Variants in HS3ST4 observed in about 807,000 individuals in gnomAD.
The protein encoded by HS3ST4 is heparan sulfate glucosamine 3-O-sulfotransferase 4.
In HS3ST4, 17 loss-of-function variants were observed where a neutral mutation model predicts 29.2. The ratio of observed to expected loss-of-function variants is 0.58; its 90% CI spans 0.40 to 0.87. The LOEUF (loss-of-function observed/expected upper bound fraction) is 0.87. HS3ST4 is among the 40% of genes least tolerant of loss of function. The pLI is 0.00. For missense variants in HS3ST4, 627 were observed against 634.5 expected (o/e 0.99, Z 0.13); for synonymous variants, 314 against 285.7 (o/e 1.10, Z -1.00).
chr16:25,770,394 C>T (rs1260704965), intron 1 of HS3ST4, among the ~76,000 whole-genome samples: 1 of 152,154 alleles, frequency 6.6e-6, no homozygotes, highest in Non-Finnish European at 1.5e-5. Flanking sequence ...ATTTCATTTT[C>T]ACAACCACCT....
chr16:25,921,646 T>G (rs1199682925), intron 1 of HS3ST4, among the ~76,000 whole-genome samples: 2 of 152,188 alleles, frequency 1.3e-5, no homozygotes, highest in African/African-American at 4.8e-5. Flanking sequence ...GCAGGAAAAC[T>G]TTTTGGTGCC....
chr16:25,693,656 AACAGTT>A (rs1596545581), intron 1 of HS3ST4, among the ~76,000 whole-genome samples: 1 of 152,186 alleles, frequency 6.6e-6, no homozygotes, highest in African/African-American at 2.4e-5. Flanking sequence ...ATGAATAGGG[AACAGTT>A]ACAAAGATCA....
intron 1 of HS3ST4, among the ~76,000 whole-genome samples, chr16:25,745,523 A>G (rs1399146164): frequency 6.6e-6 from 1 of 152,148 alleles, no homozygotes; most frequent in African/African-American, 2.4e-5. Context: ...AAACCTGGTA[A>G]ATATTTTATT....
intron 1 of HS3ST4, among the ~76,000 whole-genome samples, chr16:25,828,544 T>C (rs532759618): frequency 2.6e-5 from 4 of 152,004 alleles, no homozygotes; most frequent in African/African-American, 9.6e-5. Context: ...TTTCATCTTG[T>C]TGGCCAGGCC....
intron 1 of HS3ST4, among the ~76,000 whole-genome samples, chr16:25,750,299 T>A (rs1441876383): frequency 6.6e-6 from 1 of 152,152 alleles, no homozygotes; most frequent in Non-Finnish European, 1.5e-5. Context: ...AATGTTCTAG[T>A]GACAAAGTTA....
chr16:25,784,665 A>T (rs1966855787), intron 1 of HS3ST4, among the ~76,000 whole-genome samples: 1 of 152,206 alleles, frequency 6.6e-6, no homozygotes, highest in Non-Finnish European at 1.5e-5. Context: ...TGTAGAAGAA[A>T]ATTTGGAATC....
chr16:25,942,869 A>G (rs1450836435), intron 1 of HS3ST4, among the ~76,000 whole-genome samples: 1 of 151,898 alleles, frequency 6.6e-6, no homozygotes, highest in Non-Finnish European at 1.5e-5. Context: ...CAATCCTCCC[A>G]CTTCAGCCTC....
At chr16:25,947,437 A>G (rs1968638592) in intron 1 of HS3ST4, among the ~76,000 whole-genome samples, 1 of 152,144 alleles carries the variant, frequency 6.6e-6, no homozygotes, top group Non-Finnish European at 1.5e-5. Context: ...TTTCTCCTTC[A>G]TGAGTCTGTG....
intron 1 of HS3ST4, among the ~76,000 whole-genome samples, chr16:25,768,231 T>C (rs1040270119): frequency 1.1e-4 from 17 of 152,220 alleles, no homozygotes; most frequent in African/African-American, 4.1e-4. Flanking sequence ...TAAATCAATA[T>C]GTACGTACAC....
chr16:25,772,062 C>G (rs1966842972), intron 1 of HS3ST4, among the ~76,000 whole-genome samples: 1 of 152,194 alleles, frequency 6.6e-6, no homozygotes, highest in South Asian at 2.1e-4. Flanking sequence ...CACACCTACT[C>G]AACTCTGCCC....
intron 1 of HS3ST4, among the ~76,000 whole-genome samples, chr16:25,752,188 A>AT (rs1966726146): frequency 1.3e-5 from 2 of 152,180 alleles, no homozygotes; most frequent in Non-Finnish European, 2.9e-5. Flanking sequence ...ACAGTCACTA[A>AT]TTACGCCAAC....
chr16:25,747,352 C>T lies in HS3ST4; in HGVS notation c.734+54201C>T, dbSNP rs188862965. Among the ~76,000 whole-genome samples the T allele has an allele frequency of 8.3e-4, 126 of 152,346 alleles. No homozygotes were observed. In the Middle Eastern group the frequency reaches 0.017, roughly 21 times the overall value. On this transcript the variant is annotated intron_variant, in intron 1 of 1. Coordinates refer to ENST00000331351, the MANE Select transcript of HS3ST4 (RefSeq NM_006040.3). ...AATGGCTTGTCTTCAGCACCGTTGG[C>T]CGTGGACAGCTCCCCAGGCAAAGCT...
At chr16:25,821,290 C>G (rs2141633629) in intron 1 of HS3ST4, among the ~76,000 whole-genome samples, 1 of 152,122 alleles carries the variant, frequency 6.6e-6, no homozygotes, top group Non-Finnish European at 1.5e-5. Context: ...ATCTCCTGAC[C>G]TCGTGATCCA....
chr16:25,994,191 A>G (rs1969139765), intron 1 of HS3ST4, among the ~76,000 whole-genome samples: 1 of 152,072 alleles, frequency 6.6e-6, no homozygotes. Flanking sequence ...ACAGGCACAA[A>G]TATTCAGTCC....
chr16:25,976,684 T>C (rs1348229510), intron 1 of HS3ST4, among the ~76,000 whole-genome samples: 1 of 152,204 alleles, frequency 6.6e-6, no homozygotes, highest in Non-Finnish European at 1.5e-5. Context: ...AAGTTTTGCT[T>C]CCATACCAGT....
intron 1 of HS3ST4, among the ~76,000 whole-genome samples, chr16:25,803,293 G>T (rs146825739): frequency 6.6e-6 from 1 of 152,166 alleles, no homozygotes; most frequent in East Asian, 1.9e-4. Context: ...ATAATTTCCG[G>T]AATGATGTTA....
At chr16:25,945,818 C>A (rs890519691) in intron 1 of HS3ST4, among the ~76,000 whole-genome samples, 8 of 152,166 alleles carry the variant, frequency 5.3e-5, no homozygotes, top group African/African-American at 1.9e-4. Context: ...TCCATTCCAC[C>A]TTCATTCAGA....
chr16:26,120,739 T>C (rs1899264503), intron 1 of HS3ST4, among the ~76,000 whole-genome samples: 1 of 152,198 alleles, frequency 6.6e-6, no homozygotes, highest in East Asian at 1.9e-4. Flanking sequence ...AAATATCAAG[T>C]GCTTTGGCTG....
At chr16:25,789,193 T>C (rs1966862693) in intron 1 of HS3ST4, among the ~76,000 whole-genome samples, 1 of 152,070 alleles carries the variant, frequency 6.6e-6, no homozygotes. Flanking sequence ...TTAGTCTCAA[T>C]TCCTCATTTT....
Sources: allele counts gnomAD v4.1 joint callset (sites outside exome capture counted in the v4.1 genomes callset), GRCh38; gene constraint gnomAD v4.1.1; transcripts MANE v1.5; gene names NCBI Gene and HGNC (gene_info 2026-07-23, HGNC 2026-07-21).